Variants in SLC25A22 observed in about 807,000 individuals in gnomAD.
The protein encoded by SLC25A22 is solute carrier family 25 member 22.
Under a neutral mutation model 33.7 loss-of-function variants are expected in SLC25A22, and 23 were observed. That is an observed-to-expected ratio of 0.68 (90% confidence interval 0.49 to 0.97). The LOEUF is 0.97. SLC25A22 is among the 50% of genes least tolerant of loss of function. The pLI, the probability that SLC25A22 is intolerant of heterozygous loss-of-function variation, is 0.00. For missense variants in SLC25A22, 390 were observed against 451.1 expected, an observed-to-expected ratio of 0.86 and a Z score of 1.23; for synonymous variants, 245 against 203.8, an observed-to-expected ratio of 1.20 and a Z score of -1.72.
intron 1 of SLC25A22, chr11:795,745 G>A (rs1312842331): frequency 6.6e-6 from 1 of 150,770 alleles, no homozygotes; most frequent in Admixed American, 6.0e-5. Context: ...CCAGCCCCTT[G>A]CCCGCCCCTT....
At chr11:797,596 G>A (rs746778654) in intron 1 of SLC25A22, 9 of 398,478 alleles carry the variant, frequency 2.3e-5, no homozygotes, top group Non-Finnish European at 3.1e-5. Context: ...CCAAGAAGCC[G>A]CCAGGCTCCT....
chr11:790,564 C>G lies in SLC25A22; in HGVS notation c.*1351G>C, dbSNP rs1237433828. 1 of 152,188 alleles carries G rather than the reference C, an allele frequency of 6.6e-6. No individual in the cohort carries two copies. The highest frequency in any genetic ancestry group is 1.5e-5 in the Non-Finnish European group (1 of 68,056). The allele number at this position is 152,188 out of a possible 1,614,324, so 9.4% of individuals were successfully genotyped here. Reference sequence around the variant, plus strand: ...CTCTTCAAAAGAAAAAAATATAATTCTGTAAGCAGCAGCAGCAGCTTCCAA... The same window carrying G: ...CTCTTCAAAAGAAAAAAATATAATTGTGTAAGCAGCAGCAGCAGCTTCCAA... On this transcript the variant is annotated 3_prime_UTR_variant, in exon 10 of 10. Transcript: ENST00000628067.
At position 792,875 on chromosome 11, in the gene SLC25A22, C is replaced by T. The variant is rs1248128712; in HGVS notation, c.407G>A (p.Arg136His). ...CCCCCTCCCCCCGCCCTCACCAATG[C>T]GCCCTGCATCCTGCAGCTGGATCTT... is the stretch of plus-strand genomic sequence containing the variant. ...MLKIQLQDAG[R>H]IAAQRKILAA... The change falls in exon 6 of 10, where the codon CGC becomes CAC. Residue 136 changes from arginine (R) to histidine (H), a missense_variant. Coordinates refer to ENST00000628067, the MANE Select transcript of SLC25A22 (RefSeq NM_001191061.2). 3 of 1,366,854 alleles carry T rather than the reference C, an allele frequency of 2.2e-6. No individual in the cohort carries two copies. Among genetic ancestry groups the T allele is most frequent in the Non-Finnish European group, 3.0e-6 (3 of 1,011,220 alleles). 84.7% of individuals were successfully genotyped at this position (1,366,854 alleles called of 1,614,324 possible).
At chr11:797,074 C>T (rs1864861173) in intron 1 of SLC25A22, among the ~76,000 whole-genome samples, 1 of 152,216 alleles carries the variant, frequency 6.6e-6, no homozygotes, top group African/African-American at 2.4e-5. Flanking sequence ...AACCCCCTTC[C>T]TCCTGGGAGC....
intron 4 of SLC25A22, chr11:794,171 C>T: frequency 1.5e-6 from 1 of 685,768 alleles, no homozygotes; most frequent in East Asian, 2.8e-5. Context: ...CAGCCTGGCC[C>T]AGAAGGCAGA....
Position 791,576 on chromosome 11 carries a change from C to A in SLC25A22, c.*339G>T. 1 of 399,348 alleles carries A rather than the reference C, an allele frequency of 2.5e-6. No homozygotes were observed. The highest frequency in any genetic ancestry group is 4.6e-6 in the Non-Finnish European group (1 of 215,614). The allele number at this position is 399,348 out of a possible 1,614,324, so 24.7% of individuals were successfully genotyped here. On this transcript the variant is annotated 3_prime_UTR_variant, in exon 10 of 10. Coordinates refer to ENST00000628067, the MANE Select transcript of SLC25A22 (RefSeq NM_001191061.2). Reference sequence around the variant, plus strand: ...GGAGCTGGTGGACTGGGGGTATGGTCCAGCCTGCCCGGCCCAGGCCCGGGG... The same window carrying A: ...GGAGCTGGTGGACTGGGGGTATGGTACAGCCTGCCCGGCCCAGGCCCGGGG...
At position 791,681 on chromosome 11, in the gene SLC25A22, T is replaced by C; in HGVS notation, c.*234A>G. 1.7e-6 allele frequency: 1 copy of C among 596,734 alleles called. No homozygotes were observed. Among genetic ancestry groups the C allele is most frequent in the South Asian group, 2.0e-5 (1 of 49,938 alleles). 37.0% of individuals were successfully genotyped at this position (596,734 alleles called of 1,614,324 possible). A position where few individuals can be genotyped will look rare whatever the true frequency, so the allele number is the denominator to read the frequency against. ...TTGGGGCAGGGGCTAGCTTGAGGAA[T>C]GTAAAGATTTCTGCATTTTCTACAT... On this transcript the variant is annotated 3_prime_UTR_variant, in exon 10 of 10. Transcript: ENST00000628067.
At chr11:792,761 T>G in intron 6 of SLC25A22, 34 bp from the exon 7 acceptor site, 3 of 1,545,310 alleles carry the variant, frequency 1.9e-6, no homozygotes, top group African/African-American at 2.7e-5. Flanking sequence ...TCCTCTTCTG[T>G]GCGAACTGGG....
chr11:793,504 A>G lies in SLC25A22; in HGVS notation c.293+25T>C, dbSNP rs201718861. The stretch of plus-strand genomic sequence containing the variant: ...TTTATCTGAAGCCAAAGACCCCTCG[A>G]GTGTCTGCCAGGCAGAACCCTCACC... On this transcript the variant is annotated intron_variant, in intron 5 of 9. Coordinates refer to ENST00000628067, the MANE Select transcript of SLC25A22 (RefSeq NM_001191061.2). The G allele has an allele frequency of 8.7e-5, 141 of 1,611,474 alleles. No homozygotes were observed. The African/African-American group carries it at 1.8e-3, about 20-fold the overall frequency.
chr11:797,972 A>AC (rs1430757580), intron 1 of SLC25A22: 2 of 398,228 alleles, frequency 5.0e-6, no homozygotes, highest in African/African-American at 2.1e-5. Flanking sequence ...GGCCCCGGAC[A>AC]CCCACCCTCG....
chr11:797,672 C>T lies in SLC25A22; in HGVS notation c.-164+545G>A, dbSNP rs548299699. ...TGGCCGGCGGCTCCCCATTCAATCT[C>T]CCGCTGTCCCCGTCCTCTTGGGGCG... On this transcript the variant is annotated intron_variant, in intron 1 of 9. Transcript: ENST00000628067. 3.5e-5 allele frequency: 14 copies of T among 398,700 alleles called. No homozygotes were observed. In the East Asian group the frequency reaches 3.6e-4, roughly 10 times the overall value. 24.7% of individuals were successfully genotyped at this position (398,700 alleles called of 1,614,324 possible).
intron 4 of SLC25A22, chr11:794,228 A>C: frequency 1.4e-6 from 1 of 704,576 alleles, no homozygotes; most frequent in Non-Finnish European, 2.6e-6. Context: ...ATGGCATCCC[A>C]CGCACCAGGC....
chr11:792,044 G>C lies in SLC25A22; in HGVS notation c.843C>G (p.Pro281=). 1 of 1,600,988 alleles carries C rather than the reference G, an allele frequency of 6.2e-7. No individual in the cohort carries two copies. The highest frequency in any genetic ancestry group is 8.5e-7 in the Non-Finnish European group (1 of 1,174,460). ...CARKILRHEG[P]SAFLKGAYCR... is the part of the protein sequence containing the mutation. ...AGTAGGCGCCCTTCAGGAAGGCCGA[G>C]GGGCCCTCGTGCCGCAGGATCTTCC... Residue 281 remains proline, a synonymous_variant, in exon 10 of 10, where the codon CCC becomes CCG. Coordinates refer to ENST00000628067, the MANE Select transcript of SLC25A22 (RefSeq NM_001191061.2).
intron 4 of SLC25A22, 180 bp from the exon 5 acceptor site, chr11:793,799 G>C (rs965882005): frequency 1.6e-6 from 1 of 627,776 alleles, no homozygotes; most frequent in Non-Finnish European, 2.9e-6. Context: ...GCAGGGATGG[G>C]GCAGCACCTC....
chr11:792,210 C>T lies in SLC25A22; in HGVS notation c.750G>A (p.Lys250=). ...CTCGCTGAAGTGACTGGAGCCGCGTCTTCACCACTGCAAGGGGCGCTCGGG... is the reference window on the plus strand; with the variant it reads ...CTCGCTGAAGTGACTGGAGCCGCGTTTTCACCACTGCAAGGGGCGCTCGGG... ...AVAVNPCDVV[K]TRLQSLQRGV... The change falls in exon 9 of 10, where the codon AAG becomes AAA. Residue 250 remains lysine, a synonymous_variant. Coordinates refer to ENST00000628067, the MANE Select transcript of SLC25A22 (RefSeq NM_001191061.2). The T allele has an allele frequency of 6.2e-7, 1 of 1,612,982 alleles. No individual in the cohort carries two copies. The highest frequency in any genetic ancestry group is 8.5e-7 in the Non-Finnish European group (1 of 1,179,910).
chr11:794,443 C>T lies in SLC25A22; in HGVS notation c.202+15G>A, dbSNP rs752489528. The T allele has an allele frequency of 9.9e-6, 16 of 1,611,838 alleles. No individual in the cohort carries two copies. The highest frequency in any genetic ancestry group is 4.0e-5 in the African/African-American group (3 of 74,830). ...CAGGCCTGCCCATATCGAGCCCAGC[C>T]GAGCCAAACCTCACCCCGGTACATG... is the stretch of plus-strand genomic sequence containing the variant. On this transcript the variant is annotated intron_variant, in intron 4 of 9. Coordinates refer to ENST00000628067, the MANE Select transcript of SLC25A22 (RefSeq NM_001191061.2).
Position 794,817 on chromosome 11 carries a change from C to T in SLC25A22, c.105G>A (p.Arg35=), listed in dbSNP as rs1292194098. 6.3e-7 allele frequency: 1 copy of T among 1,596,608 alleles called. No individual in the cohort carries two copies. The highest frequency in any genetic ancestry group is 8.5e-7 in the Non-Finnish European group (1 of 1,172,772). ...GCTGGCCGTTCTGCTGGTTCTGCAG[C>T]CTGGTCTTGGCCAGGTCGATGGGAA... ...CVFPIDLAKT[R]LQNQQNGQRV... is the part of the protein sequence containing the mutation. The change falls in exon 3 of 10, where the codon AGG becomes AGA. Residue 35 remains arginine, a synonymous_variant. Coordinates refer to ENST00000628067, the MANE Select transcript of SLC25A22 (RefSeq NM_001191061.2).
intron 1 of SLC25A22, chr11:795,381 C>T: frequency 2.5e-6 from 1 of 396,924 alleles, no homozygotes; most frequent in Admixed American, 3.7e-5. Context: ...CCCCTCCCCA[C>T]CGCCAGCGTC....
At chr11:798,054 G>C (rs1019800109) in intron 1 of SLC25A22, 163 bp downstream of exon 1, 1 of 398,360 alleles carries the variant, frequency 2.5e-6, no homozygotes, top group Admixed American at 4.4e-5. Context: ...CAGAGCAGCC[G>C]CGGATCGGAG....
Sources: gnomAD v4.1 joint callset for allele counts (sites outside exome capture counted in the v4.1 genomes callset) on GRCh38, gnomAD v4.1.1 for gene constraint, MANE v1.5 for transcripts, NCBI Gene and HGNC (gene_info 2026-07-23, HGNC 2026-07-21) for gene names.